Variants in CERS6 observed in about 807,000 individuals in gnomAD.
CERS6 encodes LAG1 homolog, ceramide synthase 6.
Under a neutral mutation model 56.8 loss-of-function variants are expected in CERS6, and 26 were observed. The ratio of observed to expected loss-of-function variants is 0.46; its 90% CI spans 0.34 to 0.63. CERS6 has a LOEUF of 0.63. Ranked by LOEUF, CERS6 falls within the 30% of genes least tolerant of loss-of-function variation. The pLI, the probability that CERS6 is intolerant of heterozygous loss-of-function variation, is 0.01. For synonymous variants in CERS6, 164 were observed against 173.3 expected, an observed-to-expected ratio of 0.95 and a Z score of 0.42; for missense variants, 415 against 467.5, an observed-to-expected ratio of 0.89 and a Z score of 1.04.
At chr2:168,620,107 A>C (rs1208504620) in intron 3 of CERS6, among the ~76,000 whole-genome samples, 6 of 151,442 alleles carry the variant, frequency 4.0e-5, no homozygotes, top group African/African-American at 1.5e-4. Context: ...CATAAAAAGA[A>C]ATGAATTAAT....
At chr2:168,702,383 T>A (rs1423285510) in intron 6 of CERS6, among the ~76,000 whole-genome samples, 1 of 152,192 alleles carries the variant, frequency 6.6e-6, no homozygotes, top group Non-Finnish European at 1.5e-5. Flanking sequence ...TGACAGACAT[T>A]GTCTAGAAAA....
At chr2:168,469,096 T>C (rs1317824721) in intron 1 of CERS6, among the ~76,000 whole-genome samples, 1 of 152,194 alleles carries the variant, frequency 6.6e-6, no homozygotes, top group African/African-American at 2.4e-5. Flanking sequence ...TTTATGAAAA[T>C]GGAAACATTC....
chr2:168,585,457 A>G (rs574458676), intron 3 of CERS6, among the ~76,000 whole-genome samples: 58 of 152,368 alleles, frequency 3.8e-4, no homozygotes, highest in Non-Finnish European at 7.5e-4. Flanking sequence ...CTACGAAGTC[A>G]GACAGATCTG....
At chr2:168,709,969 A>G (rs1255618200) in intron 6 of CERS6, among the ~76,000 whole-genome samples, 2 of 152,230 alleles carry the variant, frequency 1.3e-5, no homozygotes, top group African/African-American at 4.8e-5. Context: ...TCTGAAGCAG[A>G]AATGTAAAAG....
At chr2:168,618,250 C>T (rs1461143460) in intron 3 of CERS6, among the ~76,000 whole-genome samples, 1 of 152,148 alleles carries the variant, frequency 6.6e-6, no homozygotes, top group African/African-American at 2.4e-5. Context: ...GAAAAGCCAT[C>T]TATGATAAAC....
chr2:168,724,058 C>T (rs894455782), intron 8 of CERS6, among the ~76,000 whole-genome samples: 8 of 152,282 alleles, frequency 5.3e-5, no homozygotes, highest in South Asian at 4.1e-4. Flanking sequence ...AATGAAGCCG[C>T]GGACCCTTGC....
chr2:168,616,112 G>C (rs182476258), intron 3 of CERS6, among the ~76,000 whole-genome samples: 55 of 152,312 alleles, frequency 3.6e-4, no homozygotes, highest in Middle Eastern at 6.8e-3. Flanking sequence ...TTTGTATCCA[G>C]TGAAACTAAG....
intron 1 of CERS6, among the ~76,000 whole-genome samples, chr2:168,535,421 C>T (rs996239220): frequency 3.3e-5 from 5 of 152,186 alleles, no homozygotes; most frequent in South Asian, 4.1e-4. Context: ...AGCATGTTCA[C>T]TTACTGCTTC....
At chr2:168,555,722 C>CTGTATGTGTGTGTGTGTG (rs1553491464) in intron 2 of CERS6, among the ~76,000 whole-genome samples, 2 of 140,920 alleles carry the variant, frequency 1.4e-5, no homozygotes, top group African/African-American at 5.5e-5. Flanking sequence ...ATAATTGACT[C>CTGTATGTGTGTGTGTGTG]TGTGTGTGTG....
intron 4 of CERS6, among the ~76,000 whole-genome samples, chr2:168,679,217 A>G (rs1401564265): frequency 1.3e-5 from 2 of 152,200 alleles, no homozygotes; most frequent in African/African-American, 2.4e-5. Context: ...GTGTAAAGTT[A>G]CAGTTAGATG....
At chr2:168,469,946 G>C (rs921718295) in intron 1 of CERS6, among the ~76,000 whole-genome samples, 1 of 152,138 alleles carries the variant, frequency 6.6e-6, no homozygotes, top group Non-Finnish European at 1.5e-5. Flanking sequence ...CACTCACTCA[G>C]GTCCTGGCAG....
At chr2:168,601,416 C>T (rs1683929770) in intron 3 of CERS6, among the ~76,000 whole-genome samples, 1 of 152,024 alleles carries the variant, frequency 6.6e-6, no homozygotes, top group South Asian at 2.1e-4. Flanking sequence ...GTTTGTGGAC[C>T]TCTGCTTTCT....
At chr2:168,575,054 G>T (rs1412566918) in intron 3 of CERS6, among the ~76,000 whole-genome samples, 2 of 152,178 alleles carry the variant, frequency 1.3e-5, no homozygotes, top group African/African-American at 4.8e-5. Context: ...TGGTAGAACT[G>T]GGAGGTTTCT....
At chr2:168,515,644 G>A (rs1345008125) in intron 1 of CERS6, among the ~76,000 whole-genome samples, 1 of 152,242 alleles carries the variant, frequency 6.6e-6, no homozygotes, top group Non-Finnish European at 1.5e-5. Flanking sequence ...ACTTTGACAA[G>A]TAATTTTAAG....
rs548232309 is a variant in CERS6, at chr2:168,673,619, G to T, written c.466-17415G>T. ...CCAGATGGGAGAATTGGCTTACTCA[G>T]TGTCACCCAGCTGGCTAATGGCAGA... On this transcript the variant is annotated intron_variant, in intron 4 of 9. Coordinates refer to ENST00000305747, the MANE Select transcript of CERS6 (RefSeq NM_203463.3). Among the ~76,000 whole-genome samples the T allele has an allele frequency of 1.1e-4, 17 of 152,338 alleles. No individual in the cohort carries two copies. The South Asian group carries it at 3.1e-3, about 28-fold the overall frequency.
At chr2:168,586,459 A>G (rs532044190) in intron 3 of CERS6, among the ~76,000 whole-genome samples, 166 of 152,224 alleles carry the variant, frequency 1.1e-3, no homozygotes, top group African/African-American at 3.8e-3. Context: ...CCAAGTATAT[A>G]TAAGAGGTGT....
At chr2:168,484,713 A>G (rs1359899852) in intron 1 of CERS6, among the ~76,000 whole-genome samples, 1 of 151,714 alleles carries the variant, frequency 6.6e-6, no homozygotes, top group African/African-American at 2.4e-5. Context: ...TTCCCTTCAG[A>G]TTAGAACAGG....
chr2:168,760,905 G>C (rs1037496776), intron 8 of CERS6, among the ~76,000 whole-genome samples: 3 of 152,038 alleles, frequency 2.0e-5, no homozygotes, highest in Non-Finnish European at 4.4e-5. Context: ...ACAGGCGCCC[G>C]CCACCACGCC....
At chr2:168,533,020 A>T (rs919026102) in intron 1 of CERS6, among the ~76,000 whole-genome samples, 37 of 152,254 alleles carry the variant, frequency 2.4e-4, no homozygotes, top group African/African-American at 8.7e-4. Context: ...TAGTACAGAA[A>T]AGTATGAAAT....
Sources: allele counts gnomAD v4.1 joint callset (sites outside exome capture counted in the v4.1 genomes callset), GRCh38; gene constraint gnomAD v4.1.1; transcripts MANE v1.5; gene names NCBI Gene and HGNC (gene_info 2026-07-23, HGNC 2026-07-21).